Variants in FAT4 observed in about 807,000 individuals in gnomAD.
FAT4 encodes the protein protocadherin Fat 4.
FAT4 carries 84 observed loss-of-function variants against 303.9 expected under a neutral mutation model. That is an observed-to-expected ratio of 0.28 (90% CI 0.23 to 0.33). The LOEUF (loss-of-function observed/expected upper bound fraction) is 0.33, where lower values mean the gene tolerates loss of function less well. FAT4 is among the 10% of genes least tolerant of loss of function. The pLI is 1.00. For synonymous variants in FAT4, 2,307 were observed against 2,298.8 expected (o/e 1.00, Z -0.10); for missense variants, 6,005 against 6,146.8 (o/e 0.98, Z 0.77).
At chr4:125,474,705 C>T (rs369000892) in intron 12 of FAT4, among the ~76,000 whole-genome samples, 4 of 151,918 alleles carry the variant, frequency 2.6e-5, no homozygotes, top group African/African-American at 9.7e-5. Context: ...ATGTGAGATA[C>T]TTCAGATAAA....
intron 2 of FAT4, 144 bp downstream of exon 2, chr4:125,321,730 G>T: frequency 1.2e-6 from 1 of 824,906 alleles, no homozygotes; most frequent in Non-Finnish European, 1.8e-6. Flanking sequence ...TCTGTCAAAG[G>T]CTAACAGAGA....
At chr4:125,346,095 A>G (rs1245646394) in intron 2 of FAT4, among the ~76,000 whole-genome samples, 1 of 152,090 alleles carries the variant, frequency 6.6e-6, no homozygotes, top group Admixed American at 6.6e-5. Context: ...ACACTTTAAT[A>G]AAGTCATTTG....
At chr4:125,344,151 C>A (rs1731909599) in intron 2 of FAT4, among the ~76,000 whole-genome samples, 1 of 152,152 alleles carries the variant, frequency 6.6e-6, no homozygotes. Context: ...CAAAGCATAT[C>A]CAAGAGAGAT....
chr4:125,347,569 G>C (rs1327707095), intron 2 of FAT4, among the ~76,000 whole-genome samples: 2 of 151,098 alleles, frequency 1.3e-5, no homozygotes, highest in Admixed American at 6.6e-5. Context: ...TATATAATTT[G>C]AATATTGTAT....
chr4:125,488,927 A>G (rs4834049), intron 17 of FAT4, among the ~76,000 whole-genome samples: 114,742 of 152,004 alleles, frequency 0.75, 43,447 homozygotes, highest in East Asian at 0.85. Context: ...GTCGGAAAAG[A>G]AGACTAAGTA....
intron 8 of FAT4, 117 bp downstream of exon 8, chr4:125,434,542 T>C (rs1725390802): frequency 2.5e-6 from 2 of 805,098 alleles, no homozygotes; most frequent in South Asian, 3.7e-5. Context: ...ATCCTCTTCT[T>C]GTTATCCATT....
intron 16 of FAT4, among the ~76,000 whole-genome samples, chr4:125,484,954 T>C (rs1421878595): frequency 6.6e-6 from 1 of 151,486 alleles, no homozygotes; most frequent in Non-Finnish European, 1.5e-5. Flanking sequence ...CTGGGCTCAA[T>C]GTATCCTCCC....
chr4:125,376,549 G>A (rs1045460122), intron 2 of FAT4, among the ~76,000 whole-genome samples: 2 of 152,168 alleles, frequency 1.3e-5, no homozygotes, highest in Admixed American at 6.5e-5. Flanking sequence ...GTATACATAT[G>A]TAACAAACCT....
At chr4:125,367,496 G>A (rs148188137) in intron 2 of FAT4, among the ~76,000 whole-genome samples, 31 of 152,180 alleles carry the variant, frequency 2.0e-4, no homozygotes, top group African/African-American at 6.7e-4. Flanking sequence ...AAAGGACTGC[G>A]TATGTTTTAA....
intron 2 of FAT4, among the ~76,000 whole-genome samples, chr4:125,349,597 C>A (rs1275676851): frequency 6.6e-6 from 1 of 151,574 alleles, no homozygotes; most frequent in South Asian, 2.1e-4. Flanking sequence ...ACATAAGCAG[C>A]CAAATAGCAC....
chr4:125,460,933 T>C (rs1726461328), intron 10 of FAT4, among the ~76,000 whole-genome samples: 1 of 152,106 alleles, frequency 6.6e-6, no homozygotes, highest in African/African-American at 2.4e-5. Context: ...AAATACTGAA[T>C]GCAAGGTTGA....
rs922598972 is a variant in FAT4 at position 125,492,101 on chromosome 4, G to A, written c.*333G>A. The A allele has an allele frequency of 4.1e-5, 10 of 244,870 alleles. No homozygotes were observed. The highest frequency in any genetic ancestry group is 7.1e-5 in the Non-Finnish European group (9 of 126,986). The allele number at this position is 244,870 out of a possible 1,614,324, so 15.2% of individuals were successfully genotyped here. ...TTTACCATTGCAGAAAAGAACTTGT[G>A]CTTTCCCAGTGGCGTATGTGTATTG... On this transcript the variant is annotated 3_prime_UTR_variant, in exon 18 of 18. Coordinates refer to ENST00000394329, the MANE Select transcript of FAT4 (RefSeq NM_001291303.3).
At position 125,463,570 on chromosome 4, in the gene FAT4, G is replaced by A; in HGVS notation, c.11808G>A (p.Met3936Ile). The change falls in exon 11 of 18, where the codon ATG becomes ATA. Residue 3936 changes from methionine (M) to isoleucine (I), a missense_variant. Met to Ile is a conservative substitution (Grantham distance 10). Transcript: ENST00000394329. The part of the protein sequence containing the change: ...CVCKTGYTGK[M>I]CESSVNYCEC... ...GAATTTGATATATTTTAGGGAAAAT[G>A]TGTGAATCTTCAGTCAATTACTGTG... The A allele has an allele frequency of 6.3e-7, 1 of 1,575,120 alleles. No individual in the cohort carries two copies. The highest frequency in any genetic ancestry group is 8.7e-7 in the Non-Finnish European group (1 of 1,155,910).
intron 15 of FAT4, 47 bp from the exon 16 acceptor site, chr4:125,481,474 A>G: frequency 1.3e-6 from 2 of 1,547,932 alleles, no homozygotes; most frequent in Non-Finnish European, 1.8e-6. Flanking sequence ...ACTCCAAGAA[A>G]TGCCAAATGA....
chr4:125,462,877 C>G (rs1170586119), intron 10 of FAT4, among the ~76,000 whole-genome samples: 3 of 151,870 alleles, frequency 2.0e-5, no homozygotes, highest in Non-Finnish European at 4.4e-5. Flanking sequence ...CATGTCTGGC[C>G]CATAATAAGC....
chr4:125,444,845 A>G (rs1003518217), intron 8 of FAT4, among the ~76,000 whole-genome samples: 5 of 152,136 alleles, frequency 3.3e-5, no homozygotes, highest in South Asian at 2.1e-4. Context: ...CAAGGTTCCA[A>G]AAATAAAATT....
chr4:125,391,383 C>T (rs1001976845), intron 2 of FAT4, among the ~76,000 whole-genome samples: 1 of 152,052 alleles, frequency 6.6e-6, no homozygotes, highest in Non-Finnish European at 1.5e-5. Context: ...ATGGATGAAG[C>T]TGGAAGCCGT....
chr4:125,483,651 T>G (rs1008167394), intron 16 of FAT4, among the ~76,000 whole-genome samples: 2 of 151,724 alleles, frequency 1.3e-5, no homozygotes, highest in South Asian at 2.1e-4. Context: ...GGAAAGTAAG[T>G]GCAAATTAAT....
chr4:125,426,401 A>G (rs566569499), intron 7 of FAT4, among the ~76,000 whole-genome samples: 18 of 152,092 alleles, frequency 1.2e-4, no homozygotes, highest in Admixed American at 6.5e-4. Context: ...ACTTAATTTT[A>G]TTTTTGAGTC....
Sources: gnomAD v4.1 joint callset for allele counts (sites outside exome capture counted in the v4.1 genomes callset) on GRCh38, gnomAD v4.1.1 for gene constraint, MANE v1.5 for transcripts, NCBI Gene and HGNC (gene_info 2026-07-23, HGNC 2026-07-21) for gene names.